The following SLC26A11 variants were observed in gnomAD, a reference collection of about 807,000 sequenced individuals.
SLC26A11 encodes the protein sodium-independent sulfate anion transporter.
A neutral mutation model predicts 62.2 loss-of-function variants in SLC26A11; 58 were observed. The ratio of observed to expected loss-of-function variants is 0.93; its 90% CI spans 0.76 to 1.16. The LOEUF is 1.16. Among genes scored for constraint, SLC26A11 ranks in the 50% most tolerant of loss-of-function variants. The pLI is 0.00. For synonymous variants in SLC26A11, 411 were observed against 368.9 expected (o/e 1.11, Z -1.31); for missense variants, 790 against 794.3 (o/e 0.99, Z 0.06).
At chr17:80,245,895 TG>T (rs2042979754) in intron 11 of SLC26A11, among the ~76,000 whole-genome samples, 1 of 152,140 alleles carries the variant, frequency 6.6e-6, no homozygotes, top group African/African-American at 2.4e-5. Flanking sequence ...CCCACCTGGA[TG>T]GGGGCAGGAG....
Position 80,247,337 on chromosome 17 carries a change from C to T in SLC26A11, c.1294+688C>T, listed in dbSNP as rs181584802. Among the ~76,000 whole-genome samples the T allele has an allele frequency of 5.3e-4, 81 of 152,308 alleles. No homozygotes were observed. In the East Asian group the frequency reaches 0.011, roughly 20 times the overall value. On this transcript the variant is annotated intron_variant, in intron 13 of 17. Coordinates refer to ENST00000361193, the MANE Select transcript of SLC26A11 (RefSeq NM_001166347.2). Reference sequence around the variant, plus strand: ...CAAAACCGCCATTGTCATCATGGCGCGTTCTCAATGAGCTGTTGGGTACAC... The same window carrying T: ...CAAAACCGCCATTGTCATCATGGCGTGTTCTCAATGAGCTGTTGGGTACAC...
intron 7 of SLC26A11, among the ~76,000 whole-genome samples, chr17:80,234,817 T>C (rs1004314975): frequency 7.2e-5 from 11 of 152,296 alleles, no homozygotes; most frequent in African/African-American, 2.4e-4. Context: ...ACTGTGGTTT[T>C]CATTTCTAGA....
chr17:80,252,252 C>T lies in SLC26A11; in HGVS notation c.1730-373C>T, dbSNP rs1407964137. On this transcript the variant is annotated intron_variant, in intron 17 of 17. Coordinates refer to ENST00000361193, the MANE Select transcript of SLC26A11 (RefSeq NM_001166347.2). The surrounding 1 kb of genome is among the most constrained non-coding windows in gnomAD (Gnocchi z 5.2). ...GTCACAGCTGAAGCTGGGTCAGCTC[C>T]GTGAGAGTGAGGGGTGGCGGATGTT... 2.0e-5 allele frequency among the ~76,000 whole-genome samples: 3 copies of T among 152,148 alleles called. No homozygotes were observed. The highest frequency in any genetic ancestry group is 4.4e-5 in the Non-Finnish European group (3 of 68,038).
chr17:80,251,310 A>C lies in SLC26A11; in HGVS notation c.1657-19A>C. 1.2e-6 allele frequency: 2 copies of C among 1,613,878 alleles called. No homozygotes were observed. Among genetic ancestry groups the C allele is most frequent in the Non-Finnish European group, 1.7e-6 (2 of 1,179,890 alleles). ...CAGAGGAACATCCCTGCCCTGGCTA[A>C]AGTCTGTCTGTCTCTCAGGTCCCCG... is the stretch of plus-strand genomic sequence containing the variant. On this transcript the variant is annotated intron_variant, in intron 16 of 17. Transcript: ENST00000361193.
intron 7 of SLC26A11, among the ~76,000 whole-genome samples, chr17:80,232,832 T>A (rs145300592): frequency 6.6e-6 from 1 of 152,354 alleles, no homozygotes; most frequent in African/African-American, 2.4e-5. Context: ...TATTGGCTGA[T>A]TAGCTGTAAC....
intron 16 of SLC26A11, among the ~76,000 whole-genome samples, 167 bp downstream of exon 16, chr17:80,249,454 C>T (rs576548851): frequency 6.9e-4 from 105 of 152,368 alleles, no homozygotes; most frequent in African/African-American, 2.1e-3. Flanking sequence ...TCTGGCCTTC[C>T]TCGTCCCTCC....
rs1225078436 is a variant in SLC26A11 at position 80,228,656 on chromosome 17, CG to C, written c.736+698del. Among the ~76,000 whole-genome samples, 2 of 152,332 alleles carry C rather than the reference CG, an allele frequency of 1.3e-5. No individual in the cohort carries two copies. Among genetic ancestry groups the C allele is most frequent in the African/African-American group, 4.8e-5 (2 of 41,582 alleles). Reference sequence around the variant, plus strand: ...GCCAGGAATGCCACTAAGCCCCTGACGGCGCACAGCCTTCCACAGCAAACAG... The same window carrying C: ...GCCAGGAATGCCACTAAGCCCCTGACGCGCACAGCCTTCCACAGCAAACAG... On this transcript the variant is annotated intron_variant, in intron 7 of 17. Transcript: ENST00000361193. The surrounding 1 kb of genome is among the most constrained non-coding windows in gnomAD (Gnocchi z 4.1).
chr17:80,246,609 G>C lies in SLC26A11; in HGVS notation c.1254G>C (p.Leu418=), dbSNP rs1425849522. ...TCATCATCATGGCCGTGGCCCCGCT[G>C]TTCGACACCAAGATCTTCAGGACGC... ...AAVIIMAVAP[L]FDTKIFRTLW... Residue 418 remains leucine, a synonymous_variant, in exon 13 of 18, where the codon CTG becomes CTC. Coordinates refer to ENST00000361193, the MANE Select transcript of SLC26A11 (RefSeq NM_001166347.2). This position sits in a 1 kb window ranked among gnomAD's most constrained non-coding sequence, Gnocchi z 4.4. 3 of 1,613,876 alleles carry C rather than the reference G, an allele frequency of 1.9e-6. No homozygotes were observed. The highest frequency in any genetic ancestry group is 3.3e-5 in the Admixed American group (2 of 59,992).
rs374690221 is a variant in SLC26A11 at position 80,225,397 on chromosome 17, C to T, written c.514-440C>T. ...AGCGGAGCTGGGGGGTGGCGGGGCA[C>T]CTAGTGAGGGAGACATTCTCAAGCC... is the stretch of plus-strand genomic sequence containing the variant. On this transcript the variant is annotated intron_variant, in intron 5 of 17. Coordinates refer to ENST00000361193, the MANE Select transcript of SLC26A11 (RefSeq NM_001166347.2). Among the ~76,000 whole-genome samples, 23 of 152,230 alleles carry T rather than the reference C, an allele frequency of 1.5e-4. No individual in the cohort carries two copies. In the East Asian group the frequency reaches 2.5e-3, roughly 17 times the overall value.
Position 80,245,979 on chromosome 17 carries a change from G to A in SLC26A11, c.1098-175G>A, listed in dbSNP as rs111248893. Among the ~76,000 whole-genome samples, 1,327 of 152,300 alleles carry A rather than the reference G, an allele frequency of 8.7e-3. 14 individuals carry two copies. Among genetic ancestry groups the A allele is most frequent in the African/African-American group, 0.029 (1,212 of 41,566 alleles). On this transcript the variant is annotated intron_variant, in intron 11 of 17. Transcript: ENST00000361193. ...CCTATAGTCAGGGTGGCCCAAGCGC[G>A]GCTGTCTGTGACTGCACCCTAAGTC...
intron 6 of SLC26A11, among the ~76,000 whole-genome samples, chr17:80,226,315 C>T (rs1337526167): frequency 6.6e-6 from 1 of 152,136 alleles, no homozygotes; most frequent in Non-Finnish European, 1.5e-5. Flanking sequence ...GCGTGGGGAG[C>T]TAACCCAGAC....
intron 8 of SLC26A11, 192 bp downstream of exon 8, chr17:80,237,295 C>A: frequency 2.5e-6 from 2 of 802,614 alleles, no homozygotes; most frequent in Non-Finnish European, 1.9e-6. Flanking sequence ...AGGGATGTCA[C>A]GTTTGTGTTC....
Position 80,222,114 on chromosome 17 carries a change from A to C in SLC26A11, c.234+320A>C, listed in dbSNP as rs11650673. 3.0e-5 allele frequency: 9 copies of C among 300,124 alleles called. No homozygotes were observed. The highest frequency in any genetic ancestry group is 5.5e-5 in the Non-Finnish European group (9 of 163,372). The allele number at this position is 300,124 out of a possible 1,614,324, so 18.6% of individuals were successfully genotyped here. Reference sequence around the variant, plus strand: ...AAATTAGGCTGGGTGCGGTGGCTCAAGCCTGTAATCCCAGCACTTTGGGAG... The same window carrying C: ...AAATTAGGCTGGGTGCGGTGGCTCACGCCTGTAATCCCAGCACTTTGGGAG... On this transcript the variant is annotated intron_variant, in intron 3 of 17. Coordinates refer to ENST00000361193, the MANE Select transcript of SLC26A11 (RefSeq NM_001166347.2). The surrounding 1 kb of genome is among the most constrained non-coding windows in gnomAD (Gnocchi z 4.7).
chr17:80,248,633 T>C lies in SLC26A11; in HGVS notation c.1481T>C (p.Met494Thr), dbSNP rs745767261. The stretch of plus-strand genomic sequence containing the variant: ...GCCAGCGGCCTGTCCTTCCCTGCCA[T>C]GGAGGCTCTGCGGGAGGAGATCCTA... ...QPASGLSFPA[M>T]EALREEILSR... The change falls in exon 15 of 18, where the codon ATG becomes ACG. Residue 494 changes from methionine (M) to threonine (T), a missense_variant. Coordinates refer to ENST00000361193, the MANE Select transcript of SLC26A11 (RefSeq NM_001166347.2). 1 of 1,586,682 alleles carries C rather than the reference T, an allele frequency of 6.3e-7. No individual in the cohort carries two copies. Among genetic ancestry groups the C allele is most frequent in the South Asian group, 1.2e-5 (1 of 86,774 alleles).
At chr17:80,245,395 C>A in intron 11 of SLC26A11, 139 bp downstream of exon 11, 1 of 751,214 alleles carries the variant, frequency 1.3e-6, no homozygotes, top group Non-Finnish European at 2.3e-6. Context: ...GGCTGGGGGT[C>A]ACCCACTGTC....
At chr17:80,221,484 A>T in intron 2 of SLC26A11, 64 bp from the exon 3 acceptor site, 1 of 1,219,088 alleles carries the variant, frequency 8.2e-7, no homozygotes, top group Non-Finnish European at 1.1e-6. Flanking sequence ...GACCCTGACC[A>T]GTGTTGCCGG....
chr17:80,235,022 G>T (rs1439402594), intron 7 of SLC26A11, among the ~76,000 whole-genome samples: 1 of 151,572 alleles, frequency 6.6e-6, no homozygotes, highest in East Asian at 2.0e-4. Flanking sequence ...GCTAATTTTT[G>T]TATTTTTAGT....
In SLC26A11 at chr17:80,228,440, A is replaced by C. The variant is rs1337428264; in HGVS notation, c.736+480A>C. 6.6e-6 allele frequency among the ~76,000 whole-genome samples: 1 copy of C among 152,128 alleles called. No homozygotes were observed. The highest frequency in any genetic ancestry group is 1.5e-5 in the Non-Finnish European group (1 of 68,010). The stretch of plus-strand genomic sequence containing the variant: ...GAGCCACCGCCCCGACCCAAACTCT[A>C]GAACATTTAAAACTCTGAGCCAAAC... On this transcript the variant is annotated intron_variant, in intron 7 of 17. Coordinates refer to ENST00000361193, the MANE Select transcript of SLC26A11 (RefSeq NM_001166347.2). The surrounding 1 kb of genome is among the most constrained non-coding windows in gnomAD (Gnocchi z 4.1).
intron 14 of SLC26A11, 92 bp downstream of exon 14, chr17:80,248,349 C>A (rs959816867): frequency 2.7e-6 from 4 of 1,483,406 alleles, no homozygotes; most frequent in South Asian, 1.3e-5. Flanking sequence ...TGATTGTGGT[C>A]GTGGGTGCTG....
Sources: allele counts gnomAD v4.1 joint callset (sites outside exome capture counted in the v4.1 genomes callset), GRCh38; gene constraint gnomAD v4.1.1; non-coding constraint Gnocchi (gnomAD v3.1); transcripts MANE v1.5; gene names NCBI Gene and HGNC (gene_info 2026-07-23, HGNC 2026-07-21).